Variants in KAT5 observed in about 807,000 individuals in gnomAD.
KAT5 encodes the protein lysine acetyltransferase 5, also known as histone acetyltransferase KAT5.
A neutral mutation model predicts 68.1 loss-of-function variants in KAT5; 31 were observed. The observed-to-expected ratio is 0.46, with a 90% CI of 0.34 to 0.61. The LOEUF (loss-of-function observed/expected upper bound fraction) is 0.61. Among genes scored for constraint, KAT5 ranks in the 20% least tolerant of loss-of-function variants. KAT5 has a pLI of 0.01. For synonymous variants in KAT5, 365 were observed against 292.6 expected (o/e 1.25, Z -2.52); for missense variants, 451 against 725.5 (o/e 0.62, Z 4.35).
chr11:65,712,210 T>A (rs903575438), upstream of KAT5: 36 of 1,374,420 alleles, frequency 2.6e-5, no homozygotes, highest in Non-Finnish European at 3.8e-6. Flanking sequence ...CACAGGGCGC[T>A]CGGTCCCGGA....
intron 3 of KAT5, 102 bp from the exon 4 acceptor site, chr11:65,713,246 G>A (rs1590960391): frequency 6.6e-6 from 9 of 1,365,100 alleles, no homozygotes; most frequent in South Asian, 1.3e-5. Context: ...TTCAGAAGGC[G>A]AGGGTGGGGT....
chr11:65,718,876 G>A lies in KAT5; in HGVS notation c.1428G>A (p.Glu476=). The stretch of plus-strand genomic sequence containing the variant: ...CCTGACCTGTGCTCTCCCACAGTGA[G>A]ATTAGTGAAATCACCAGCATCAAGA... ...SGERPQITIN[E]ISEITSIKKE... The change falls in exon 12 of 13, where the codon GAG becomes GAA. Residue 476 remains glutamate, a synonymous_variant. Coordinates refer to ENST00000341318, the MANE Select transcript of KAT5 (RefSeq NM_182710.3). The A allele has an allele frequency of 6.2e-7, 1 of 1,614,150 alleles. No homozygotes were observed. Among genetic ancestry groups the A allele is most frequent in the Non-Finnish European group, 8.5e-7 (1 of 1,180,022 alleles).
At position 65,715,738 on chromosome 11, in the gene KAT5, G is replaced by A. The variant is rs528208274; in HGVS notation, c.1029+828G>A. On this transcript the variant is annotated intron_variant, in intron 8 of 12. Coordinates refer to ENST00000341318, the MANE Select transcript of KAT5 (RefSeq NM_182710.3). ...ATTGCACCACTGCATTCCAGCCTGG[G>A]AGACAGCAAGACTTCGTGTAAAAAA... Among the ~76,000 whole-genome samples the A allele has an allele frequency of 8.6e-5, 13 of 151,694 alleles. No individual in the cohort carries two copies. In the East Asian group the frequency reaches 2.1e-3, roughly 25 times the overall value.
At position 65,719,487 on chromosome 11, in the gene KAT5, T is replaced by A; in HGVS notation, c.*306T>A. 3.3e-6 allele frequency: 2 copies of A among 607,726 alleles called. No individual in the cohort carries two copies. Among genetic ancestry groups the A allele is most frequent in the Non-Finnish European group, 5.8e-6 (2 of 344,828 alleles). The allele number at this position is 607,726 out of a possible 1,614,324, so 37.6% of individuals were successfully genotyped here. A position where few individuals can be genotyped will look rare whatever the true frequency, so the allele number is the denominator to read the frequency against. ...GGGGGAGCTCTGTACAGAGGGCTGG[T>A]GATTGTAAAAATTTCTTTTGTAAAG... On this transcript the variant is annotated 3_prime_UTR_variant, in exon 13 of 13. Coordinates refer to ENST00000341318, the MANE Select transcript of KAT5 (RefSeq NM_182710.3).
At chr11:65,714,464 C>T (rs143723787) in intron 6 of KAT5, 31 bp from the exon 7 acceptor site, 2 of 1,607,916 alleles carry the variant, frequency 1.2e-6, no homozygotes, top group Non-Finnish European at 1.7e-6. Context: ...CTGTCTCTTA[C>T]AACCTGGTAT....
chr11:65,718,485 G>A (rs1857282050), intron 10 of KAT5, 105 bp from the exon 11 acceptor site: 2 of 1,174,720 alleles, frequency 1.7e-6, no homozygotes, highest in Non-Finnish European at 2.4e-6. Context: ...AAGTGGCAGG[G>A]CCATGATAGG....
chr11:65,718,461 G>A, intron 10 of KAT5, 129 bp from the exon 11 acceptor site: 1 of 852,292 alleles, frequency 1.2e-6, no homozygotes, highest in Non-Finnish European at 1.9e-6. Flanking sequence ...AGAAGTGGAG[G>A]GCATAGAACT....
Position 65,713,596 on chromosome 11 carries a change from C to T in KAT5, c.544C>T (p.Arg182Trp). 2 of 1,614,196 alleles carry T rather than the reference C, an allele frequency of 1.2e-6. No homozygotes were observed. The highest frequency in any genetic ancestry group is 1.7e-6 in the Non-Finnish European group (2 of 1,180,028). Residue 182 changes from arginine to tryptophan, a missense_variant, in exon 5 of 13, where the codon CGG becomes TGG. By Grantham distance (101) the Arg-to-Trp change is moderately radical (BLOSUM62 -3). Coordinates refer to ENST00000341318, the MANE Select transcript of KAT5 (RefSeq NM_182710.3). The part of the protein sequence containing the change: ...CLQPNHRSTK[R>W]KVEVVSPATP... ...CTTTGTTGGTTTCTCTCTGCAGAAA[C>T]GGAAGGTGGAGGTGGTTTCACCAGC...
rs11541269 is a variant in KAT5 at position 65,713,007 on chromosome 11, C to A, written c.333C>A (p.Pro111=). The A allele has an allele frequency of 6.2e-7, 1 of 1,613,910 alleles. No homozygotes were observed. Among genetic ancestry groups the A allele is most frequent in the Non-Finnish European group, 8.5e-7 (1 of 1,180,030 alleles). The change falls in exon 3 of 13, where the codon CCC becomes CCA. Residue 111 remains proline (P), a synonymous_variant. Transcript: ENST00000341318. ...IQFPKKEAKT[P]TKNGLPGSRP... ...TCCCCAAGAAAGAGGCCAAGACCCC[C>A]ACTAAGAACGGACTTCCTGGGTCCC...
chr11:65,712,205 G>A, upstream of KAT5: 1 of 1,376,370 alleles, frequency 7.3e-7, no homozygotes, highest in Non-Finnish European at 9.4e-7. Context: ...GGGCCCACAG[G>A]GCGCTCGGTC....
rs769402320 is a variant in KAT5, at chr11:65,713,776, T to C, written c.618T>C (p.Asn206=). 133 of 1,612,358 alleles carry C rather than the reference T, an allele frequency of 8.2e-5. No homozygotes were observed. Among genetic ancestry groups the C allele is most frequent in the Non-Finnish European group, 1.1e-4 (129 of 1,179,266 alleles). Residue 206 remains asparagine, a splice_region_variant and synonymous_variant, in exon 6 of 13, where the codon AAT becomes AAC. Transcript: ENST00000341318. ...TTCTTTTCCTACTATCTCGGCAGAA[T>C]GGAGCCGCCCGTAGGGCAGTGGCAG... The part of the protein sequence containing the change: ...ETAPASVFPQ[N]GAARRAVAAQ...
chr11:65,712,352 G>C lies in KAT5; in HGVS notation c.85G>C (p.Asp29His), dbSNP rs202097241. The C allele has an allele frequency of 3.9e-6, 6 of 1,536,002 alleles. No individual in the cohort carries two copies. The highest frequency in any genetic ancestry group is 2.5e-5 in the East Asian group (1 of 40,664). Reference sequence around the variant, plus strand: ...TAGAGCCCGAGGCCCCCCAGTAGCCGACCCTGGCGTCGCGCTGTCTCCCCA... The same window carrying C: ...TAGAGCCCGAGGCCCCCCAGTAGCCCACCCTGGCGTCGCGCTGTCTCCCCA... ...VGRARGPPVA[D>H]PGVALSPQGE... Residue 29 changes from aspartate (D) to histidine (H), a missense_variant, in exon 1 of 13, where the codon GAC becomes CAC. Physicochemically the swap from Asp to His is moderately conservative, Grantham distance 81. Around this residue, in one of 4 missense-constraint regions of KAT5, gnomAD observed 104 missense variants for 107.3 expected, o/e 0.97. Coordinates refer to ENST00000341318, the MANE Select transcript of KAT5 (RefSeq NM_182710.3).
At chr11:65,715,111 C>A in intron 8 of KAT5, 1 of 596,594 alleles carries the variant, frequency 1.7e-6, no homozygotes, top group Non-Finnish European at 3.0e-6. Context: ...ACAGTCATAC[C>A]AATGACCTCT....
chr11:65,718,812 T>A, intron 11 of KAT5, 61 bp from the exon 12 acceptor site: 1 of 1,613,498 alleles, frequency 6.2e-7, no homozygotes, highest in Non-Finnish European at 8.5e-7. Context: ...GGGCTTTCTC[T>A]CTCAGGGCTC....
intron 4 of KAT5, 43 bp from the exon 5 acceptor site, chr11:65,713,550 C>T (rs1400045673): frequency 3.7e-6 from 6 of 1,613,992 alleles, no homozygotes; most frequent in Non-Finnish European, 5.1e-6. Flanking sequence ...CAGGTCCCAC[C>T]TTCTCTACCT....
In KAT5 at chr11:65,719,321, A is replaced by C; in HGVS notation, c.*140A>C. 1 of 1,067,424 alleles carries C rather than the reference A, an allele frequency of 9.4e-7. No homozygotes were observed. Among genetic ancestry groups the C allele is most frequent in the Non-Finnish European group, 1.3e-6 (1 of 757,692 alleles). 66.1% of individuals were successfully genotyped at this position (1,067,424 alleles called of 1,614,324 possible). A position where few individuals can be genotyped will look rare whatever the true frequency, so the allele number is the denominator to read the frequency against. On this transcript the variant is annotated 3_prime_UTR_variant, in exon 13 of 13. Coordinates refer to ENST00000341318, the MANE Select transcript of KAT5 (RefSeq NM_182710.3). ...TCAAAAAGGAGAGGACAGGCCTGGCAGGGGCCCACTGGTGCCCAGCACCAA... is the reference window on the plus strand; with the variant it reads ...TCAAAAAGGAGAGGACAGGCCTGGCCGGGGCCCACTGGTGCCCAGCACCAA...
Position 65,719,329 on chromosome 11 carries a change from ACTGGTGCCCAGCAC to A in KAT5, c.*150_*163del. 8 of 992,460 alleles carry A rather than the reference ACTGGTGCCCAGCAC, an allele frequency of 8.1e-6. No homozygotes were observed. The highest frequency in any genetic ancestry group is 1.2e-5 in the Non-Finnish European group (8 of 692,204). The allele number at this position is 992,460 out of a possible 1,614,324, so 61.5% of individuals were successfully genotyped here. A position where few individuals can be genotyped will look rare whatever the true frequency, so the allele number is the denominator to read the frequency against. ...GAGAGGACAGGCCTGGCAGGGGCCC[ACTGGTGCCCAGCAC>A]CAAGGCGAGCTCCGGGCTCAGACCA... On this transcript the variant is annotated 3_prime_UTR_variant, in exon 13 of 13. Transcript: ENST00000341318.
chr11:65,712,661 G>A lies in KAT5; in HGVS notation c.179-105G>A, dbSNP rs750077392. On this transcript the variant is annotated intron_variant, in intron 1 of 12. Transcript: ENST00000341318. ...TGAAGGAGGCTTAGGAGAGACCTAAGTGCTGGAGCTTAGGGATCCGGCCTG... is the reference window on the plus strand; with the variant it reads ...TGAAGGAGGCTTAGGAGAGACCTAAATGCTGGAGCTTAGGGATCCGGCCTG... 6.2e-4 allele frequency: 871 copies of A among 1,403,400 alleles called. 1 individual carries two copies. Among genetic ancestry groups the A allele is most frequent in the Non-Finnish European group, 8.3e-4 (824 of 994,004 alleles). The allele number at this position is 1,403,400 out of a possible 1,614,324, so 86.9% of individuals were successfully genotyped here.
At chr11:65,713,963 T>C (rs1857114526) in intron 6 of KAT5, 115 bp downstream of exon 6, 1 of 966,194 alleles carries the variant, frequency 1.0e-6, no homozygotes, top group South Asian at 1.5e-5. Context: ...GCAGAGCTAG[T>C]GTTGGTGGGA....
Sources: gnomAD v4.1 joint callset for allele counts (sites outside exome capture counted in the v4.1 genomes callset) on GRCh38, gnomAD v4.1.1 for gene constraint, gnomAD v4.1.1 regional missense constraint, MANE v1.5 for transcripts, NCBI Gene and HGNC (gene_info 2026-07-23, HGNC 2026-07-21) for gene names.